Variants in MARCHF1 observed in about 807,000 individuals in gnomAD.
MARCHF1 encodes E3 ubiquitin-protein ligase MARCHF1.
In MARCHF1, 40 loss-of-function variants were observed where a neutral mutation model predicts 54.2. The observed-to-expected ratio is 0.74, with a 90% confidence interval of 0.57 to 0.96. MARCHF1 has a LOEUF of 0.96. MARCHF1 is among the 40% of genes least tolerant of loss of function. MARCHF1 has a pLI of 0.00. For missense variants in MARCHF1, 586 were observed against 656.5 expected (o/e 0.89, Z 1.17); for synonymous variants, 236 against 236.3 (o/e 1.00, Z 0.01).
intron 7 of MARCHF1, among the ~76,000 whole-genome samples, chr4:163,594,201 G>C (rs988722447): frequency 1.6e-4 from 24 of 151,978 alleles, no homozygotes; most frequent in African/African-American, 5.3e-4. Flanking sequence ...AGATGGAGAA[G>C]GATGTTGGTA....
intron 1 of MARCHF1, among the ~76,000 whole-genome samples, chr4:164,207,976 G>T (rs1731658331): frequency 6.6e-6 from 1 of 151,766 alleles, no homozygotes; most frequent in Non-Finnish European, 1.5e-5. Context: ...TAAAATAAAA[G>T]TTGAAAAAAA....
At chr4:163,543,051 C>T (rs972345798) in intron 9 of MARCHF1, among the ~76,000 whole-genome samples, 7 of 151,958 alleles carry the variant, frequency 4.6e-5, no homozygotes, top group Non-Finnish European at 5.9e-5. Context: ...AATGAATGTT[C>T]GGCCTAGCTG....
chr4:164,347,621 A>G (rs903234235), intron 1 of MARCHF1, among the ~76,000 whole-genome samples: 1 of 152,184 alleles, frequency 6.6e-6, no homozygotes, highest in Non-Finnish European at 1.5e-5. Context: ...CATTTTTTAG[A>G]ATAATCAAAA....
intron 4 of MARCHF1, among the ~76,000 whole-genome samples, chr4:163,802,832 G>A (rs1270366977): frequency 2.6e-5 from 4 of 152,112 alleles, no homozygotes; most frequent in African/African-American, 9.7e-5. Flanking sequence ...AGGTATCTAG[G>A]TGCTTTGTTC....
intron 1 of MARCHF1, among the ~76,000 whole-genome samples, chr4:164,216,992 A>T (rs1731953106): frequency 6.6e-6 from 1 of 152,224 alleles, no homozygotes; most frequent in South Asian, 2.1e-4. Flanking sequence ...CAATAGCATG[A>T]AAACAAATAT....
intron 1 of MARCHF1, among the ~76,000 whole-genome samples, chr4:164,187,944 A>G (rs1435928986): frequency 1.3e-5 from 2 of 152,126 alleles, no homozygotes; most frequent in African/African-American, 4.8e-5. Flanking sequence ...ATTATTGTAA[A>G]TGGCAATTAT....
At chr4:163,789,971 G>A (rs1384061637) in intron 4 of MARCHF1, among the ~76,000 whole-genome samples, 1 of 152,064 alleles carries the variant, frequency 6.6e-6, no homozygotes, top group Non-Finnish European at 1.5e-5. Context: ...ACATTAAAGT[G>A]TTCTCAGAGC....
intron 1 of MARCHF1, among the ~76,000 whole-genome samples, chr4:164,314,696 T>C (rs1734951805): frequency 6.6e-6 from 1 of 152,128 alleles, no homozygotes. Context: ...TTTAAATAAA[T>C]ATTTGTTAGG....
intron 5 of MARCHF1, among the ~76,000 whole-genome samples, chr4:163,651,375 C>G (rs767646843): frequency 6.6e-5 from 10 of 151,836 alleles, no homozygotes; most frequent in Admixed American, 1.3e-4. Context: ...CTTTCTGTTT[C>G]ATATTTTCCC....
At chr4:163,862,500 G>A (rs967653631) in intron 3 of MARCHF1, among the ~76,000 whole-genome samples, 5 of 151,920 alleles carry the variant, frequency 3.3e-5, no homozygotes, top group African/African-American at 7.3e-5. Context: ...TTAAAACAAC[G>A]AGATGCCACT....
chr4:164,181,830 G>A (rs1730841498), intron 1 of MARCHF1, among the ~76,000 whole-genome samples: 3 of 151,962 alleles, frequency 2.0e-5, no homozygotes, highest in Admixed American at 2.0e-4. Flanking sequence ...TTTTAAATTT[G>A]GTTTCAAGTT....
At chr4:163,974,578 C>A (rs1281450847) in intron 3 of MARCHF1, among the ~76,000 whole-genome samples, 1 of 152,160 alleles carries the variant, frequency 6.6e-6, no homozygotes, top group Non-Finnish European at 1.5e-5. Flanking sequence ...ATTTCTAATG[C>A]ACAGAATTCA....
intron 1 of MARCHF1, among the ~76,000 whole-genome samples, chr4:164,167,004 A>G (rs1318670979): frequency 6.6e-6 from 1 of 151,442 alleles, no homozygotes; most frequent in Non-Finnish European, 1.5e-5. Flanking sequence ...AAGCTTATAT[A>G]CTCTCAGACT....
intron 2 of MARCHF1, among the ~76,000 whole-genome samples, chr4:163,996,078 A>G (rs1753069981): frequency 6.6e-6 from 1 of 151,934 alleles, no homozygotes; most frequent in Non-Finnish European, 1.5e-5. Flanking sequence ...TGAAAGATCC[A>G]ATTTTTTTAT....
At chr4:164,336,057 A>T (rs773064849) in intron 1 of MARCHF1, among the ~76,000 whole-genome samples, 2 of 152,296 alleles carry the variant, frequency 1.3e-5, no homozygotes, top group South Asian at 4.1e-4. Context: ...GTACCAAGAG[A>T]CAACATTAGT....
chr4:164,249,453 T>C (rs1355106263), intron 1 of MARCHF1, among the ~76,000 whole-genome samples: 1 of 152,008 alleles, frequency 6.6e-6, no homozygotes, highest in Non-Finnish European at 1.5e-5. Context: ...CAGCTTAATG[T>C]AGGCAGCAGG....
At chr4:164,127,102 C>G (rs1756201095) in intron 1 of MARCHF1, among the ~76,000 whole-genome samples, 1 of 132,202 alleles carries the variant, frequency 7.6e-6, no homozygotes, top group African/African-American at 2.8e-5. Context: ...TTATTGGAAA[C>G]TGAACTGGAG....
chr4:164,043,696 C>A (rs1184195406), intron 2 of MARCHF1, among the ~76,000 whole-genome samples: 2 of 152,146 alleles, frequency 1.3e-5, no homozygotes, highest in African/African-American at 2.4e-5. Context: ...AAGAGTTTTT[C>A]TTTTCTACCA....
intron 5 of MARCHF1, among the ~76,000 whole-genome samples, chr4:163,681,462 C>T (rs932724443): frequency 3.9e-5 from 6 of 152,174 alleles, no homozygotes; most frequent in African/African-American, 1.4e-4. Context: ...CCCCTCAAAT[C>T]TCATCTTGAA....
Sources: gnomAD v4.1 joint callset for allele counts (sites outside exome capture counted in the v4.1 genomes callset) on GRCh38, gnomAD v4.1.1 for gene constraint, MANE v1.5 for transcripts, NCBI Gene and HGNC (gene_info 2026-07-23, HGNC 2026-07-21) for gene names.